WWOX: variants seen among roughly 807,000 people sequenced by gnomAD.
The protein encoded by WWOX is WW domain-containing oxidoreductase.
Under a neutral mutation model 46.2 loss-of-function variants are expected in WWOX, and 69 were observed. The observed-to-expected ratio is 1.49, with a 90% CI of 1.23 to 1.82. The LOEUF is 1.82. WWOX is among the 40% of genes most tolerant of loss of function. The probability of loss-of-function intolerance (pLI) is 0.00; values close to 1 mark genes in which losing one functional copy is unlikely to be tolerated. For missense variants in WWOX, 919 were observed against 542.6 expected (o/e 1.69, Z -6.89); for synonymous variants, 359 against 202.6 (o/e 1.77, Z -6.56).
intron 5 of WWOX, among the ~76,000 whole-genome samples, chr16:78,189,731 TG>T (rs1297189595): frequency 1.3e-5 from 2 of 152,178 alleles, no homozygotes; most frequent in Non-Finnish European, 2.9e-5. Context: ...CTTGGCTCAC[TG>T]CAACCTCCGC....
At chr16:78,473,570 G>T (rs1225775432) in intron 8 of WWOX, among the ~76,000 whole-genome samples, 1 of 152,196 alleles carries the variant, frequency 6.6e-6, no homozygotes, top group Non-Finnish European at 1.5e-5. Context: ...ACTTATCTGT[G>T]AGCAGACGTG....
chr16:78,420,462 G>A (rs543794757), intron 6 of WWOX, among the ~76,000 whole-genome samples: 5 of 152,206 alleles, frequency 3.3e-5, no homozygotes, highest in South Asian at 2.1e-4. Context: ...ACTGATATAT[G>A]CTACAACATG....
chr16:78,473,110 C>T (rs992037733), intron 8 of WWOX, among the ~76,000 whole-genome samples: 1 of 152,152 alleles, frequency 6.6e-6, no homozygotes, highest in Non-Finnish European at 1.5e-5. Context: ...TATAGGAACA[C>T]AGTGTTGCTT....
At chr16:78,926,864 A>T (rs1242303422) in intron 8 of WWOX, among the ~76,000 whole-genome samples, 1 of 152,030 alleles carries the variant, frequency 6.6e-6, no homozygotes, top group Admixed American at 6.6e-5. Flanking sequence ...TGGTGCGATG[A>T]AGGCTTACTG....
At chr16:78,896,767 G>T (rs112081737) in intron 8 of WWOX, 1 of 152,068 alleles carries the variant, frequency 6.6e-6, no homozygotes, top group African/African-American at 2.4e-5. Flanking sequence ...GTGTGTGTGT[G>T]TGAGAGAGAG....
intron 8 of WWOX, among the ~76,000 whole-genome samples, chr16:78,757,660 A>C (rs1453343088): frequency 1.3e-5 from 2 of 151,888 alleles, no homozygotes; most frequent in East Asian, 3.8e-4. Context: ...TATTTATATA[A>C]ATACATTATA....
chr16:78,932,396 C>G (rs2045642627), intron 8 of WWOX, among the ~76,000 whole-genome samples: 1 of 152,160 alleles, frequency 6.6e-6, no homozygotes, highest in African/African-American at 2.4e-5. Flanking sequence ...GTATAGACAG[C>G]CTATGCCTGG....
intron 5 of WWOX, chr16:78,281,050 A>G (rs2079669575): frequency 6.6e-6 from 1 of 152,248 alleles, no homozygotes; most frequent in Non-Finnish European, 1.5e-5. Flanking sequence ...AAGGCTATAA[A>G]TAGAACGATA....
intron 8 of WWOX, among the ~76,000 whole-genome samples, chr16:78,578,103 G>T (rs773819007): frequency 6.6e-6 from 1 of 151,394 alleles, no homozygotes; most frequent in African/African-American, 2.4e-5. Context: ...CTTAGATACT[G>T]TGTCATCTTA....
At chr16:78,517,186 C>G (rs550897165) in intron 8 of WWOX, among the ~76,000 whole-genome samples, 54 of 152,208 alleles carry the variant, frequency 3.5e-4, no homozygotes, top group African/African-American at 1.2e-3. Context: ...AATGATTTTT[C>G]TGCAATTGAC....
At chr16:79,040,985 C>T (rs946524621) in intron 8 of WWOX, among the ~76,000 whole-genome samples, 1 of 151,920 alleles carries the variant, frequency 6.6e-6, no homozygotes, top group Non-Finnish European at 1.5e-5. Flanking sequence ...TCCTGAAATC[C>T]CTAGTTACTA....
At chr16:78,782,655 C>G (rs2050358838) in intron 8 of WWOX, among the ~76,000 whole-genome samples, 1 of 146,180 alleles carries the variant, frequency 6.8e-6, no homozygotes, top group African/African-American at 2.5e-5. Context: ...TCCGGTCTTT[C>G]TTTTCTATAT....
intron 8 of WWOX, among the ~76,000 whole-genome samples, chr16:78,519,576 C>T (rs931400811): frequency 6.6e-6 from 1 of 151,948 alleles, no homozygotes; most frequent in African/African-American, 2.4e-5. Context: ...TTTGCATCCC[C>T]CCAAAATTCA....
At chr16:78,737,633 T>A (rs2049121499) in intron 8 of WWOX, among the ~76,000 whole-genome samples, 1 of 152,188 alleles carries the variant, frequency 6.6e-6, no homozygotes, top group East Asian at 1.9e-4. Flanking sequence ...ATCATTCTTC[T>A]GCCTTTGCAT....
At chr16:78,489,283 G>A (rs1346815296) in intron 8 of WWOX, among the ~76,000 whole-genome samples, 4 of 152,152 alleles carry the variant, frequency 2.6e-5, no homozygotes, top group Admixed American at 6.5e-5. Context: ...AAGAACAGAT[G>A]TTCTCTCCAG....
intron 8 of WWOX, among the ~76,000 whole-genome samples, chr16:79,185,768 G>T (rs1157091293): frequency 6.6e-6 from 1 of 152,150 alleles, no homozygotes; most frequent in African/African-American, 2.4e-5. Context: ...TGAGAGTGAG[G>T]ATAAACGAGA....
intron 5 of WWOX, among the ~76,000 whole-genome samples, chr16:78,208,777 A>G (rs1430729500): frequency 5.3e-5 from 8 of 152,214 alleles, no homozygotes; most frequent in Non-Finnish European, 1.2e-4. Flanking sequence ...TTTATTTTAA[A>G]TTTTGCAGTG....
chr16:78,645,857 G>A lies in WWOX; in HGVS notation c.1056+213105G>A, dbSNP rs145171074. On this transcript the variant is annotated intron_variant, in intron 8 of 8. Transcript: ENST00000566780. ...GCAGGGCTGGGCTCTGGGGGCTTCT[G>A]GGGAGAATTTGTTCTGACTTTTTCG... Among the ~76,000 whole-genome samples, 281 of 152,178 alleles carry A rather than the reference G, an allele frequency of 1.8e-3. 2 individuals carry two copies. The highest frequency in any genetic ancestry group is 0.01 in the Middle Eastern group (3 of 294).
intron 5 of WWOX, among the ~76,000 whole-genome samples, chr16:78,336,362 C>G (rs1171478537): frequency 6.7e-6 from 1 of 149,894 alleles, no homozygotes; most frequent in Non-Finnish European, 1.5e-5. Flanking sequence ...AACAAATTAG[C>G]CAGGTGTGGT....
Sources: gnomAD v4.1 joint callset for allele counts (sites outside exome capture counted in the v4.1 genomes callset) on GRCh38, gnomAD v4.1.1 for gene constraint, MANE v1.5 for transcripts, NCBI Gene and HGNC (gene_info 2026-07-23, HGNC 2026-07-21) for gene names.